Variants in PCDH15 observed in about 807,000 individuals in gnomAD.
PCDH15 encodes the protein protocadherin related 15.
Under a neutral mutation model 178.5 loss-of-function variants are expected in PCDH15, and 129 were observed. The ratio of observed to expected loss-of-function variants is 0.72; its 90% CI spans 0.63 to 0.84. The LOEUF (loss-of-function observed/expected upper bound fraction) is 0.84, where lower values mean the gene tolerates loss of function less well. Ranked by LOEUF, PCDH15 falls within the 40% of genes least tolerant of loss-of-function variation. The pLI, the probability that PCDH15 is intolerant of heterozygous loss-of-function variation, is 0.00. For synonymous variants in PCDH15, 800 were observed against 732.0 expected (o/e 1.09, Z -1.50); for missense variants, 2,230 against 2,099.9 (o/e 1.06, Z -1.21).
intron 12 of PCDH15, among the ~76,000 whole-genome samples, chr10:54,184,892 T>C (rs1479618408): frequency 6.6e-6 from 1 of 152,122 alleles, no homozygotes; most frequent in Non-Finnish European, 1.5e-5. Flanking sequence ...TCACTTTCTT[T>C]TTTTTTTGAA....
chr10:55,022,452 CAA>C (rs373971818), intron 2 of PCDH15, among the ~76,000 whole-genome samples: 12 of 99,394 alleles, frequency 1.2e-4, no homozygotes, highest in Admixed American at 2.3e-4. Context: ...ACTCTGTCTC[CAA>C]AAAAAAAAAA....
intron 1 of PCDH15, among the ~76,000 whole-genome samples, chr10:54,721,712 G>C (rs537092395): frequency 1.3e-4 from 19 of 151,790 alleles, no homozygotes; most frequent in African/African-American, 4.1e-4. Flanking sequence ...GACTAACAAA[G>C]TTGAATCATC....
intron 2 of PCDH15, among the ~76,000 whole-genome samples, chr10:54,561,049 A>C (rs2088072894): frequency 6.6e-6 from 1 of 152,196 alleles, no homozygotes. Context: ...ATGAACTTAA[A>C]GAAATAGTCA....
intron 21 of PCDH15, among the ~76,000 whole-genome samples, chr10:53,980,218 C>CT (rs1245672952): frequency 1.6e-5 from 1 of 62,362 alleles, no homozygotes; most frequent in East Asian, 7.6e-4. Context: ...GAGACTCCAT[C>CT]TCAAAAAAAA....
At chr10:54,146,952 A>ATATATATATATAGTGTATATATATAGTG (rs1564530643) in intron 14 of PCDH15, among the ~76,000 whole-genome samples, 1 of 99,030 alleles carries the variant, frequency 1.0e-5, no homozygotes, top group African/African-American at 4.4e-5. Flanking sequence ...TATATAGTGT[A>ATATATATATATAGTGTATATATATAGTG]TATATATATA....
chr10:54,908,335 T>C (rs1002891684), intron 2 of PCDH15, among the ~76,000 whole-genome samples: 3 of 152,120 alleles, frequency 2.0e-5, no homozygotes, highest in Non-Finnish European at 2.9e-5. Flanking sequence ...AGACTGTGGT[T>C]GGACAAGGCG....
intron 3 of PCDH15, among the ~76,000 whole-genome samples, chr10:54,486,988 G>C (rs537114446): frequency 7.2e-5 from 11 of 152,044 alleles, no homozygotes; most frequent in African/African-American, 2.7e-4. Flanking sequence ...ACTAGCTGCT[G>C]GTTTCATATA....
chr10:54,449,485 T>C (rs2136270842), intron 3 of PCDH15, among the ~76,000 whole-genome samples: 1 of 151,828 alleles, frequency 6.6e-6, no homozygotes, highest in South Asian at 2.1e-4. Context: ...TTAACAACTT[T>C]GGATAGGAAA....
At chr10:54,174,595 A>G (rs2047235427) in intron 13 of PCDH15, among the ~76,000 whole-genome samples, 1 of 152,000 alleles carries the variant, frequency 6.6e-6, no homozygotes, top group Admixed American at 6.6e-5. Flanking sequence ...GGAGGTGGTA[A>G]TAGATTGGAG....
intron 29 of PCDH15, among the ~76,000 whole-genome samples, chr10:53,838,951 T>A (rs4387266): frequency 0.01 from 1,585 of 152,062 alleles, 35 homozygotes; most frequent in East Asian, 0.059. Context: ...ACACCTGTAA[T>A]CCCAGCACTT....
intron 2 of PCDH15, among the ~76,000 whole-genome samples, chr10:54,541,992 A>T (rs190939769): frequency 1.3e-5 from 2 of 152,306 alleles, no homozygotes; most frequent in East Asian, 1.9e-4. Flanking sequence ...AAGCTGCATT[A>T]AAAAAAGCAA....
At chr10:55,307,319 G>A (rs1321937673) in intron 1 of PCDH15, among the ~76,000 whole-genome samples, 2 of 151,756 alleles carry the variant, frequency 1.3e-5, no homozygotes, top group African/African-American at 2.4e-5. Flanking sequence ...TGGCTAACAC[G>A]TGAAACCCTG....
At chr10:55,026,126 G>A (rs781286913) in intron 2 of PCDH15, among the ~76,000 whole-genome samples, 1 of 151,916 alleles carries the variant, frequency 6.6e-6, no homozygotes, top group Non-Finnish European at 1.5e-5. Flanking sequence ...ACCACACAAT[G>A]TAAGTCATTT....
chr10:55,529,211 T>C (rs2132061131), intron 2 of PCDH15, among the ~76,000 whole-genome samples: 1 of 152,150 alleles, frequency 6.6e-6, no homozygotes, highest in Non-Finnish European at 1.5e-5. Context: ...TCTTTTGCTA[T>C]GCAGAAGCTC....
At chr10:55,061,648 C>A (rs1453887362) in intron 2 of PCDH15, among the ~76,000 whole-genome samples, 1 of 152,170 alleles carries the variant, frequency 6.6e-6, no homozygotes, top group African/African-American at 2.4e-5. Flanking sequence ...TGGAAGCAAC[C>A]AAGATGCCCT....
intron 2 of PCDH15, among the ~76,000 whole-genome samples, chr10:54,944,191 A>C (rs1440334837): frequency 1.3e-5 from 2 of 151,948 alleles, no homozygotes; most frequent in Non-Finnish European, 2.9e-5. Context: ...GTGATTAGGG[A>C]AAAGTAAAAC....
chr10:55,473,703 G>T (rs532521275), intron 2 of PCDH15, among the ~76,000 whole-genome samples: 7 of 152,104 alleles, frequency 4.6e-5, no homozygotes, highest in African/African-American at 1.4e-4. Context: ...CAAAATTTTT[G>T]ATTAATAATT....
chr10:54,123,232 T>A (rs1460397942), intron 15 of PCDH15, among the ~76,000 whole-genome samples: 1 of 152,020 alleles, frequency 6.6e-6, no homozygotes, highest in Non-Finnish European at 1.5e-5. Flanking sequence ...AGTGAACAGA[T>A]AACCTACAGA....
chr10:54,472,022 G>A (rs1231699948), intron 3 of PCDH15, among the ~76,000 whole-genome samples: 1 of 151,966 alleles, frequency 6.6e-6, no homozygotes, highest in East Asian at 1.9e-4. Context: ...CAATCATGTG[G>A]GTCACCTTCC....
Sources: gnomAD v4.1 joint callset for allele counts (sites outside exome capture counted in the v4.1 genomes callset) on GRCh38, gnomAD v4.1.1 for gene constraint, MANE v1.5 for transcripts, NCBI Gene and HGNC (gene_info 2026-07-23, HGNC 2026-07-21) for gene names.